Variants in LAMA2 observed in about 807,000 individuals in gnomAD.
LAMA2 encodes laminin subunit alpha-2.
A neutral mutation model predicts 364.8 loss-of-function variants in LAMA2; 269 were observed. That is an observed-to-expected ratio of 0.74 (90% CI 0.67 to 0.82). LAMA2 has a LOEUF of 0.82. LAMA2 is among the 40% of genes least tolerant of loss of function. The pLI, the probability that LAMA2 is intolerant of heterozygous loss-of-function variation, is 0.00. For synonymous variants in LAMA2, 1,379 were observed against 1,370.6 expected, an observed-to-expected ratio of 1.01 and a Z score of -0.14; for missense variants, 3,807 against 3,873.2, an observed-to-expected ratio of 0.98 and a Z score of 0.45.
intron 59 of LAMA2, among the ~76,000 whole-genome samples, 160 bp downstream of exon 59, chr6:129,502,931 G>C (rs1785765624): frequency 6.6e-6 from 1 of 152,182 alleles, no homozygotes. Flanking sequence ...GTCTGAGCCT[G>C]AGGAGCCCAA....
chr6:129,194,701 A>G lies in LAMA2; in HGVS notation c.1782+1848A>G, dbSNP rs192779345. On this transcript the variant is annotated intron_variant, in intron 12 of 64. Coordinates refer to ENST00000421865, the MANE Select transcript of LAMA2 (RefSeq NM_000426.4). The stretch of plus-strand genomic sequence containing the variant: ...TGGAAGCCCTTGGTGGTTTACTGTC[A>G]GGCATCTCAGTATGAATGAAACAAT... Among the ~76,000 whole-genome samples, 1,034 of 152,308 alleles carry G rather than the reference A, an allele frequency of 6.8e-3. 6 individuals carry two copies. Among genetic ancestry groups the G allele is most frequent in the South Asian group, 0.026 (124 of 4,826 alleles).
chr6:129,511,601 G>A (rs1786581669), intron 62 of LAMA2, among the ~76,000 whole-genome samples: 1 of 152,072 alleles, frequency 6.6e-6, no homozygotes. Context: ...ATAAATAGAA[G>A]ACTTGGAGAA....
Position 129,447,141 on chromosome 6 carries a change from T to C in LAMA2, c.6429+1320T>C, listed in dbSNP as rs75931443. On this transcript the variant is annotated intron_variant, in intron 45 of 64. Transcript: ENST00000421865. ...ATGTTCAGTGTTACTTTCCGTAAGG[T>C]ACACAAAGACGAATAAAGGAGTTCT... is the stretch of plus-strand genomic sequence containing the variant. Among the ~76,000 whole-genome samples, 970 of 152,302 alleles carry C rather than the reference T, an allele frequency of 6.4e-3. 8 individuals are homozygous for C. The highest frequency in any genetic ancestry group is 0.022 in the African/African-American group (912 of 41,562).
chr6:128,961,733 C>A (rs1174729346), intron 1 of LAMA2, among the ~76,000 whole-genome samples: 2 of 151,900 alleles, frequency 1.3e-5, no homozygotes, highest in Admixed American at 6.6e-5. Context: ...TTTGGCAACA[C>A]CCTCACAGAT....
At chr6:129,174,630 T>A (rs1010728666) in intron 9 of LAMA2, among the ~76,000 whole-genome samples, 1 of 152,164 alleles carries the variant, frequency 6.6e-6, no homozygotes, top group African/African-American at 2.4e-5. Context: ...AATTTTTTGT[T>A]GTTCTTCTGT....
intron 3 of LAMA2, among the ~76,000 whole-genome samples, chr6:129,076,198 C>A (rs939226295): frequency 6.6e-6 from 1 of 151,546 alleles, no homozygotes; most frequent in South Asian, 2.1e-4. Context: ...CAGTAAAGGC[C>A]TGTTTAAGAT....
At chr6:129,360,066 C>A (rs1777374152) in intron 32 of LAMA2, among the ~76,000 whole-genome samples, 1 of 152,068 alleles carries the variant, frequency 6.6e-6, no homozygotes, top group African/African-American at 2.4e-5. Flanking sequence ...TAATCATGGT[C>A]TTGAAATATT....
At chr6:129,166,320 C>T (rs576710675) in intron 9 of LAMA2, among the ~76,000 whole-genome samples, 9 of 152,262 alleles carry the variant, frequency 5.9e-5, no homozygotes, top group East Asian at 3.9e-4. Context: ...GGCAGTTGCT[C>T]GCCAAGTTTA....
At chr6:129,230,747 G>T (rs1784626436) in intron 12 of LAMA2, among the ~76,000 whole-genome samples, 1 of 152,078 alleles carries the variant, frequency 6.6e-6, no homozygotes, top group South Asian at 2.1e-4. Context: ...AGCAGTTGCA[G>T]GTACAGAGAA....
At chr6:128,891,582 T>G (rs2114385544) in intron 1 of LAMA2, among the ~76,000 whole-genome samples, 1 of 152,134 alleles carries the variant, frequency 6.6e-6, no homozygotes, top group Admixed American at 6.5e-5. Context: ...TAGTAAGGCC[T>G]CAATAAATGT....
chr6:128,941,813 G>A lies in LAMA2; in HGVS notation c.112+58456G>A, dbSNP rs146241133. Among the ~76,000 whole-genome samples the A allele has an allele frequency of 2.3e-3, 357 of 152,262 alleles. 1 individual carries two copies. Among genetic ancestry groups the A allele is most frequent in the Non-Finnish European group, 4.0e-3 (272 of 68,010 alleles). Reference sequence around the variant, plus strand: ...TGTGCCCAGCGAGTTGGTATCTACTGATGGTGGTTTTTCAAATGCACCGTG... The same window carrying A: ...TGTGCCCAGCGAGTTGGTATCTACTAATGGTGGTTTTTCAAATGCACCGTG... On this transcript the variant is annotated intron_variant, in intron 1 of 64. Coordinates refer to ENST00000421865, the MANE Select transcript of LAMA2 (RefSeq NM_000426.4).
At chr6:129,197,546 G>A (rs1462854613) in intron 12 of LAMA2, among the ~76,000 whole-genome samples, 1 of 152,202 alleles carries the variant, frequency 6.6e-6, no homozygotes, top group Admixed American at 6.5e-5. Context: ...ACTGGTGTAT[G>A]TCTTTGCCTG....
chr6:129,341,097 T>C (rs990181291), intron 29 of LAMA2, among the ~76,000 whole-genome samples: 2 of 152,214 alleles, frequency 1.3e-5, no homozygotes, highest in Non-Finnish European at 2.9e-5. Context: ...CATGGCAATA[T>C]CTGTGGTGGA....
intron 20 of LAMA2, chr6:129,292,982 G>A: frequency 4.1e-6 from 4 of 985,868 alleles, no homozygotes; most frequent in Non-Finnish European, 4.8e-6. Context: ...CGCGGAGAGC[G>A]CAACGGGTGC....
At chr6:128,920,278 C>T (rs1049387966) in intron 1 of LAMA2, among the ~76,000 whole-genome samples, 5 of 152,070 alleles carry the variant, frequency 3.3e-5, no homozygotes, top group Non-Finnish European at 7.4e-5. Context: ...CTTCCTCAGC[C>T]TCTAGAGTAG....
At chr6:129,332,525 C>T (rs1417785191) in intron 29 of LAMA2, among the ~76,000 whole-genome samples, 5 of 152,056 alleles carry the variant, frequency 3.3e-5, no homozygotes, top group African/African-American at 7.2e-5. Context: ...ATTTTAATTA[C>T]AATCAAAATT....
chr6:129,480,353 A>T (rs1784285549), intron 54 of LAMA2, among the ~76,000 whole-genome samples: 1 of 152,280 alleles, frequency 6.6e-6, no homozygotes, highest in Non-Finnish European at 1.5e-5. Context: ...TCCTAACTAC[A>T]TGGGCTTGCT....
intron 1 of LAMA2, among the ~76,000 whole-genome samples, chr6:128,936,038 G>A (rs932828937): frequency 1.3e-5 from 2 of 152,192 alleles, no homozygotes; most frequent in African/African-American, 4.8e-5. Flanking sequence ...TTTATAAGGG[G>A]CTCTTCCCCC....
At chr6:129,200,709 A>G (rs1168890158) in intron 12 of LAMA2, among the ~76,000 whole-genome samples, 1 of 152,068 alleles carries the variant, frequency 6.6e-6, no homozygotes, top group Admixed American at 6.5e-5. Flanking sequence ...GACTAAGGCA[A>G]AATGCTATCA....
Sources: allele counts gnomAD v4.1 joint callset (sites outside exome capture counted in the v4.1 genomes callset), GRCh38; gene constraint gnomAD v4.1.1; transcripts MANE v1.5; gene names NCBI Gene and HGNC (gene_info 2026-07-23, HGNC 2026-07-21).